The following ABCC3 variants were observed in gnomAD, a reference collection of about 807,000 sequenced individuals.
ABCC3 encodes ATP binding cassette subfamily C member 3, also known as ATP-binding cassette sub-family C member 3.
ABCC3 carries 121 observed loss-of-function variants against 165.3 expected under a neutral mutation model. The observed-to-expected ratio is 0.73, with a 90% CI of 0.63 to 0.85. ABCC3 has a LOEUF of 0.85. Ranked by LOEUF, ABCC3 falls within the 40% of genes least tolerant of loss-of-function variation. The pLI, the probability that ABCC3 is intolerant of heterozygous loss-of-function variation, is 0.00. For missense variants in ABCC3, 1,869 were observed against 1,964.1 expected (o/e 0.95, Z 0.92); for synonymous variants, 733 against 810.1 (o/e 0.90, Z 1.62).
Position 50,687,602 on chromosome 17 carries a change from A to G in ABCC3, c.4347A>G (p.Leu1449=), listed in dbSNP as rs955994905. 7 of 1,614,122 alleles carry G rather than the reference A, an allele frequency of 4.3e-6. No individual in the cohort carries two copies. The highest frequency in any genetic ancestry group is 5.9e-6 in the Non-Finnish European group (7 of 1,180,044). The change falls in exon 30 of 31, where the codon TTA becomes TTG. Residue 1449 remains leucine (L), a synonymous_variant. Coordinates refer to ENST00000285238, the MANE Select transcript of ABCC3 (RefSeq NM_003786.4). ...TCCGCAAGAGCCGCATCCTGGTTTTAGACGAGGCCACAGCTGCCATCGACC... is the reference window on the plus strand; with the variant it reads ...TCCGCAAGAGCCGCATCCTGGTTTTGGACGAGGCCACAGCTGCCATCGACC... The part of the protein sequence containing the change: ...ALLRKSRILV[L]DEATAAIDLE...
chr17:50,677,885 A>G lies in ABCC3; in HGVS notation c.3520A>G (p.Ser1174Gly). The change falls in exon 24 of 31, where the codon AGT becomes GGT. Residue 1174 changes from serine to glycine, a missense_variant. By Grantham distance (56) the Ser-to-Gly change is moderately conservative. Transcript: ENST00000285238. ...YNRSRDFEII[S>G]DTKVDANQRS... Reference sequence around the variant, plus strand: ...CCGCAGCCGGGATTTTGAGATCATCAGTGATACTAAGGTGGATGCCAACCA... The same window carrying G: ...CCGCAGCCGGGATTTTGAGATCATCGGTGATACTAAGGTGGATGCCAACCA... The G allele has an allele frequency of 1.9e-6, 3 of 1,614,148 alleles. No individual in the cohort carries two copies. The highest frequency in any genetic ancestry group is 2.5e-6 in the Non-Finnish European group (3 of 1,180,024).
intron 1 of ABCC3, among the ~76,000 whole-genome samples, chr17:50,649,118 A>G (rs1427643224): frequency 6.6e-6 from 1 of 152,068 alleles, no homozygotes; most frequent in Non-Finnish European, 1.5e-5. Context: ...TCTCAAAAAA[A>G]AAAAAAAAAA....
chr17:50,673,966 T>TTCTTTC lies in ABCC3; in HGVS notation c.2599+310_2599+315dup, dbSNP rs1567835508. Reference sequence around the variant, plus strand: ...TTTCTTTCTTTCTTTCTTTCTTTCTTTCTTTCTTTCTTTCTCTCTCTCTCT... The same window carrying TTCTTTC: ...TTTCTTTCTTTCTTTCTTTCTTTCTTTCTTTCTCTTTCTTTCTTTCTCTCTCTCTCT... On this transcript the variant is annotated intron_variant, in intron 19 of 30. Coordinates refer to ENST00000285238, the MANE Select transcript of ABCC3 (RefSeq NM_003786.4). 8.3e-4 allele frequency among the ~76,000 whole-genome samples: 18 copies of TTCTTTC among 21,734 alleles called. 2 individuals are homozygous for TTCTTTC. Among genetic ancestry groups the TTCTTTC allele is most frequent in the Middle Eastern group, 0.023 (1 of 44 alleles). The allele number at this position is 21,734 out of a possible 152,430, so 14.3% of individuals were successfully genotyped here.
chr17:50,635,120 G>C lies in ABCC3; in HGVS notation c.45+139G>C, dbSNP rs1052115063. The C allele has an allele frequency of 3.3e-5, 31 of 948,828 alleles. No homozygotes were observed. In the African/African-American group the frequency reaches 5.1e-4, roughly 16 times the overall value. 58.8% of individuals were successfully genotyped at this position (948,828 alleles called of 1,614,324 possible). A position where few individuals can be genotyped will look rare whatever the true frequency, so the allele number is the denominator to read the frequency against. ...GAGACGGCCTGGGCGCCCGGGAGGG[G>C]GCGATGGGCTCGGGAGGGAGGTTGG... On this transcript the variant is annotated intron_variant, in intron 1 of 30. Coordinates refer to ENST00000285238, the MANE Select transcript of ABCC3 (RefSeq NM_003786.4).
chr17:50,656,488 CA>C (rs1275688723), intron 2 of ABCC3, among the ~76,000 whole-genome samples: 1 of 152,248 alleles, frequency 6.6e-6, no homozygotes, highest in Non-Finnish European at 1.5e-5. Flanking sequence ...TATATACAGC[CA>C]GCTGACATAT....
rs765447708 is a variant in ABCC3, at chr17:50,684,749, A to AC, written c.4158dup (p.Phe1387LeufsTer75). On this transcript the variant is annotated frameshift_variant, in exon 29 of 31. Transcript: ENST00000285238. LOFTEE classifies it high-confidence loss of function. ...TCGGGGACCCTGCGCATGAACCTGG[A>AC]CCCCTTCGGCAGCTACTCAGAGGAG... is the stretch of plus-strand genomic sequence containing the variant. 2 of 1,613,134 alleles carry AC rather than the reference A, an allele frequency of 1.2e-6. No homozygotes were observed. Among genetic ancestry groups the AC allele is most frequent in the Middle Eastern group, 1.7e-4 (1 of 6,060 alleles).
At chr17:50,651,066 G>GGAAAAAAA (rs377148373) in intron 1 of ABCC3, among the ~76,000 whole-genome samples, 1 of 84,284 alleles carries the variant, frequency 1.2e-5, no homozygotes, top group African/African-American at 5.0e-5. Flanking sequence ...CTCCATCTCA[G>GGAAAAAAA]AAAAAAAAAA....
rs781001572 is a variant in ABCC3 at position 50,683,964 on chromosome 17, C to T, written c.3970C>T (p.Arg1324Cys). 18 of 1,613,074 alleles carry T rather than the reference C, an allele frequency of 1.1e-5. No homozygotes were observed. Among genetic ancestry groups the T allele is most frequent in the African/African-American group, 4.0e-5 (3 of 74,850 alleles). The change falls in exon 28 of 31, where the codon CGC becomes TGC. Residue 1324 changes from arginine (R) to cysteine (C), a missense_variant. By Grantham distance (180) the Arg-to-Cys change is radical (BLOSUM62 -3). Transcript: ENST00000285238. ...HGGEKVGIVG[R>C]TGAGKSSMTL... ...CTCCGCCCAGGTGGGGATCGTGGGC[C>T]GCACTGGGGCTGGCAAGTCTTCCAT...
chr17:50,684,619 C>A, intron 28 of ABCC3, 90 bp from the exon 29 acceptor site: 1 of 1,394,218 alleles, frequency 7.2e-7, no homozygotes, highest in South Asian at 1.4e-5. Context: ...ATGCTGCCAC[C>A]TTAATCCCTC....
chr17:50,651,198 A>G (rs1352146203), intron 1 of ABCC3, among the ~76,000 whole-genome samples: 1 of 152,176 alleles, frequency 6.6e-6, no homozygotes, highest in Non-Finnish European at 1.5e-5. Context: ...TAATGTCTAG[A>G]AGCATGAGCT....
At chr17:50,690,649 G>A (rs918641835) in intron 30 of ABCC3, among the ~76,000 whole-genome samples, 6 of 152,190 alleles carry the variant, frequency 3.9e-5, no homozygotes, top group African/African-American at 7.2e-5. Flanking sequence ...CGCAGCAGCC[G>A]CCACCAGATT....
intron 26 of ABCC3, among the ~76,000 whole-genome samples, chr17:50,681,908 T>C (rs1419341621): frequency 2.6e-5 from 4 of 152,200 alleles, no homozygotes; most frequent in Non-Finnish European, 4.4e-5. Context: ...CTCTGGCCCC[T>C]CACCCCTCAC....
intron 1 of ABCC3, among the ~76,000 whole-genome samples, chr17:50,644,437 C>A (rs1966960059): frequency 1.3e-5 from 2 of 151,878 alleles, no homozygotes; most frequent in African/African-American, 4.8e-5. Context: ...CTTGGCCAGG[C>A]ATGGTGGCTC....
rs1237052188 is a variant in ABCC3 at position 50,675,444 on chromosome 17, A to G, written c.2682A>G (p.Pro894=). Residue 894 remains proline (P), a synonymous_variant, in exon 20 of 31, where the codon CCA becomes CCG. Coordinates refer to ENST00000285238, the MANE Select transcript of ABCC3 (RefSeq NM_003786.4). ...ACACGGATCTGACAGACAATGATCCAGTCACCTATGTGGTCCAGAAGCAGT... is the reference window on the plus strand; with the variant it reads ...ACACGGATCTGACAGACAATGATCCGGTCACCTATGTGGTCCAGAAGCAGT... The part of the protein sequence containing the change: ...SNHTDLTDND[P]VTYVVQKQFM... 6.2e-7 allele frequency: 1 copy of G among 1,614,026 alleles called. No individual in the cohort carries two copies. Among genetic ancestry groups the G allele is most frequent in the South Asian group, 1.1e-5 (1 of 91,068 alleles).
At chr17:50,668,564 GA>G in intron 14 of ABCC3, 47 bp downstream of exon 14, 1 of 1,464,612 alleles carries the variant, frequency 6.8e-7, no homozygotes, top group South Asian at 1.2e-5. Context: ...CCTTGCTCCA[GA>G]AAAACCTCTG....
At chr17:50,635,880 C>T (rs1342522656) in intron 1 of ABCC3, 1 of 330,786 alleles carries the variant, frequency 3.0e-6, no homozygotes, top group Admixed American at 4.2e-5. Context: ...GAGACCCTGT[C>T]TCTAAAAAAA....
Position 50,676,529 on chromosome 17 carries a change from A to G in ABCC3, c.3319A>G (p.Ser1107Gly). 6.2e-7 allele frequency: 1 copy of G among 1,613,296 alleles called. No homozygotes were observed. The highest frequency in any genetic ancestry group is 8.5e-7 in the Non-Finnish European group (1 of 1,179,802). Residue 1107 changes from serine to glycine, a missense_variant, in exon 23 of 31, where the codon AGC becomes GGC. Ser to Gly is a moderately conservative substitution (Grantham distance 56, BLOSUM62 0). Coordinates refer to ENST00000285238, the MANE Select transcript of ABCC3 (RefSeq NM_003786.4). ...CTCCACTCTTGTGGTCATCATGGCC[A>G]GCACGCCGCTCTTCACTGTGGTCAT... ...AISTLVVIMASTPLFTVVILP... is the reference protein window; with the variant it reads ...AISTLVVIMAGTPLFTVVILP...
chr17:50,686,470 C>T (rs1009540145), intron 29 of ABCC3, among the ~76,000 whole-genome samples: 2 of 152,098 alleles, frequency 1.3e-5, no homozygotes, highest in African/African-American at 4.8e-5. Context: ...TTGCCACCCA[C>T]GCAGCCCTTA....
chr17:50,646,562 C>G (rs940522191), intron 1 of ABCC3, among the ~76,000 whole-genome samples: 2 of 152,172 alleles, frequency 1.3e-5, no homozygotes, highest in African/African-American at 4.8e-5. Context: ...AGGAAGGAGG[C>G]AGAGAAGAGG....
Sources: gnomAD v4.1 joint callset for allele counts (sites outside exome capture counted in the v4.1 genomes callset) on GRCh38, gnomAD v4.1.1 for gene constraint, MANE v1.5 for transcripts, NCBI Gene and HGNC (gene_info 2026-07-23, HGNC 2026-07-21) for gene names.